Variants in AUTS2 observed in about 807,000 individuals in gnomAD.
AUTS2 encodes the protein activator of transcription and developmental regulator AUTS2, also known as autism susceptibility gene 2 protein.
AUTS2 carries 17 observed loss-of-function variants against 112.4 expected under a neutral mutation model. The observed-to-expected ratio is 0.15, with a 90% CI of 0.10 to 0.23. The LOEUF is 0.23. Among genes scored for constraint, AUTS2 ranks in the 10% least tolerant of loss-of-function variants. The probability of loss-of-function intolerance (pLI) is 1.00; values close to 1 mark genes in which losing one functional copy is unlikely to be tolerated. For synonymous variants in AUTS2, 751 were observed against 702.7 expected (o/e 1.07, Z -1.09); for missense variants, 1,510 against 1,701.6 (o/e 0.89, Z 1.98).
At chr7:70,003,192 TG>T (rs1449887259) in intron 2 of AUTS2, among the ~76,000 whole-genome samples, 1 of 135,392 alleles carries the variant, frequency 7.4e-6, no homozygotes, top group Non-Finnish European at 1.5e-5. Context: ...ATATTATATA[TG>T]AATATATTAT....
At chr7:70,738,004 G>A (rs988188958) in intron 6 of AUTS2, among the ~76,000 whole-genome samples, 6 of 151,938 alleles carry the variant, frequency 3.9e-5, no homozygotes, top group Admixed American at 1.3e-4. Context: ...AGGCTTGTAC[G>A]GAAGACATTC....
intron 1 of AUTS2, among the ~76,000 whole-genome samples, chr7:69,798,683 C>T (rs1446535927): frequency 6.6e-6 from 1 of 152,100 alleles, no homozygotes; most frequent in African/African-American, 2.4e-5. Flanking sequence ...GAAATTAGTA[C>T]GGAAGTTGCC....
chr7:70,134,547 T>C lies in AUTS2; in HGVS notation c.636T>C (p.Pro212=), dbSNP rs769740999. The change falls in exon 4 of 19, where the codon CCT becomes CCC. Residue 212 remains proline, a synonymous_variant. Transcript: ENST00000342771. ...ATGCTTTATTGCAGAGTTCAGCTCC[T>C]TCCAGCTTGGGAACAGGCTACTTCG... ...SRERLSDSSA[P]SSLGTGYFCD... is the part of the protein sequence containing the mutation. 13 of 1,613,900 alleles carry C rather than the reference T, an allele frequency of 8.1e-6. No individual in the cohort carries two copies. Among genetic ancestry groups the C allele is most frequent in the Non-Finnish European group, 1.1e-5 (13 of 1,179,784 alleles).
At chr7:70,126,473 G>T (rs1805975668) in intron 3 of AUTS2, among the ~76,000 whole-genome samples, 1 of 152,124 alleles carries the variant, frequency 6.6e-6, no homozygotes, top group African/African-American at 2.4e-5. Flanking sequence ...AGACCATGTT[G>T]CCTGGGGGGA....
intron 4 of AUTS2, among the ~76,000 whole-genome samples, chr7:70,362,566 A>C (rs1362784458): frequency 6.6e-6 from 1 of 152,106 alleles, no homozygotes; most frequent in Non-Finnish European, 1.5e-5. Context: ...CATTTTAAGA[A>C]GTTGGAGTAT....
chr7:70,510,953 A>G lies in AUTS2; in HGVS notation c.690+75172A>G, dbSNP rs1420744395. Among the ~76,000 whole-genome samples, 10 of 152,098 alleles carry G rather than the reference A, an allele frequency of 6.6e-5. No homozygotes were observed. In the East Asian group the frequency reaches 1.7e-3, roughly 27 times the overall value. Reference sequence around the variant, plus strand: ...AACCTCCACCTCCCGGGTTCAAGTGATTGTCCTGCCTCAGCCTCCTGAGTA... The same window carrying G: ...AACCTCCACCTCCCGGGTTCAAGTGGTTGTCCTGCCTCAGCCTCCTGAGTA... On this transcript the variant is annotated intron_variant, in intron 5 of 18. Coordinates refer to ENST00000342771, the MANE Select transcript of AUTS2 (RefSeq NM_015570.4).
chr7:69,786,600 G>A (rs1660302156), intron 1 of AUTS2, among the ~76,000 whole-genome samples: 1 of 152,164 alleles, frequency 6.6e-6, no homozygotes, highest in African/African-American at 2.4e-5. Flanking sequence ...ACCTTTAAGA[G>A]CTGTAACACT....
At chr7:69,707,827 G>A (rs1389972993) in intron 1 of AUTS2, among the ~76,000 whole-genome samples, 1 of 152,166 alleles carries the variant, frequency 6.6e-6, no homozygotes, top group Non-Finnish European at 1.5e-5. Context: ...TTCTTTATTA[G>A]GGACATTTTA....
intron 1 of AUTS2, chr7:69,824,546 T>C (rs1470375158): frequency 6.6e-6 from 1 of 152,116 alleles, no homozygotes; most frequent in Non-Finnish European, 1.5e-5. Flanking sequence ...TTTTTTTTTT[T>C]AATCGCCGAT....
At chr7:70,066,569 C>T (rs1282599919) in intron 2 of AUTS2, among the ~76,000 whole-genome samples, 1 of 136,490 alleles carries the variant, frequency 7.3e-6, no homozygotes, top group Non-Finnish European at 1.5e-5. Context: ...CAAACAGAGT[C>T]TTGCTCTGTC....
chr7:70,318,294 T>C (rs1790094373), intron 4 of AUTS2, among the ~76,000 whole-genome samples: 1 of 151,778 alleles, frequency 6.6e-6, no homozygotes, highest in African/African-American at 2.4e-5. Context: ...AGGACGACAC[T>C]GTAGAGGCCA....
intron 1 of AUTS2, among the ~76,000 whole-genome samples, chr7:69,675,155 G>A (rs1796499344): frequency 6.6e-6 from 1 of 152,150 alleles, no homozygotes; most frequent in Admixed American, 6.5e-5. Context: ...TCAATAAGGA[G>A]TCTCTGGTAG....
At chr7:70,142,165 A>G (rs1806900723) in intron 4 of AUTS2, among the ~76,000 whole-genome samples, 1 of 152,146 alleles carries the variant, frequency 6.6e-6, no homozygotes, top group Non-Finnish European at 1.5e-5. Flanking sequence ...TAAGCGGAAA[A>G]CTTAGGTGCT....
chr7:70,787,238 G>A lies in AUTS2; in HGVS notation c.2338G>A (p.Gly780Ser). The change falls in exon 18 of 19, where the codon GGC becomes AGC. Residue 780 changes from glycine (G) to serine (S), a missense_variant. Gly to Ser is a moderately conservative substitution (Grantham distance 56). This residue lies in a region of AUTS2 where 788 missense variants were observed against 797.6 expected (regional missense o/e 0.99). Transcript: ENST00000342771. ...CAACTCAATGTTCGGCCACAAGGAT[G>A]GCCCCAGTGTGCAGAACTTTAGCAA... Reference protein sequence around the residue: ...TPNSMFGHKDGPSVQNFSNPH... With the variant: ...TPNSMFGHKDSPSVQNFSNPH... The A allele has an allele frequency of 6.2e-7, 1 of 1,614,214 alleles. No homozygotes were observed.
rs1484409027 is a variant in AUTS2, at chr7:69,989,161, C to T, written c.522+89663C>T. 2.6e-5 allele frequency among the ~76,000 whole-genome samples: 4 copies of T among 152,304 alleles called. No individual in the cohort carries two copies. In the East Asian group the frequency reaches 7.7e-4, roughly 29 times the overall value. On this transcript the variant is annotated intron_variant, in intron 2 of 18. Coordinates refer to ENST00000342771, the MANE Select transcript of AUTS2 (RefSeq NM_015570.4). ...AATTTGTAACTCCAGATAGTCAAGA[C>T]TTGAATTTGGTAACTCTTGTAATTC...
At chr7:69,726,963 C>G (rs1338532576) in intron 1 of AUTS2, among the ~76,000 whole-genome samples, 4 of 152,122 alleles carry the variant, frequency 2.6e-5, no homozygotes, top group Non-Finnish European at 5.9e-5. Context: ...CAGTCTGTTA[C>G]TTGCCTTTTT....
At chr7:69,766,059 C>T (rs751773145) in intron 1 of AUTS2, among the ~76,000 whole-genome samples, 3 of 152,170 alleles carry the variant, frequency 2.0e-5, no homozygotes, top group Non-Finnish European at 4.4e-5. Flanking sequence ...CAGAACTCTC[C>T]GTCTTGCAAA....
At chr7:70,339,225 T>C (rs552015113) in intron 4 of AUTS2, among the ~76,000 whole-genome samples, 3 of 152,280 alleles carry the variant, frequency 2.0e-5, no homozygotes, top group South Asian at 2.1e-4. Context: ...GTTGTGAATA[T>C]TGATTAGATT....
intron 4 of AUTS2, chr7:70,293,562 T>G (rs935162079): frequency 6.6e-5 from 10 of 152,190 alleles, no homozygotes; most frequent in African/African-American, 2.2e-4. Flanking sequence ...CCATGTGAAA[T>G]AAAACATTGG....
Sources: gnomAD v4.1 joint callset for allele counts (sites outside exome capture counted in the v4.1 genomes callset) on GRCh38, gnomAD v4.1.1 for gene constraint, gnomAD v4.1.1 regional missense constraint, MANE v1.5 for transcripts, NCBI Gene and HGNC (gene_info 2026-07-23, HGNC 2026-07-21) for gene names.